Variants in PDE1C observed in about 807,000 individuals in gnomAD.
PDE1C encodes phosphodiesterase 1C.
Under a neutral mutation model 93.1 loss-of-function variants are expected in PDE1C, and 62 were observed. That is an observed-to-expected ratio of 0.67 (90% CI 0.54 to 0.82). The LOEUF (loss-of-function observed/expected upper bound fraction) is 0.82, where lower values mean the gene tolerates loss of function less well. PDE1C is among the 40% of genes least tolerant of loss of function. PDE1C has a pLI of 0.00. For synonymous variants in PDE1C, 325 were observed against 310.1 expected, an observed-to-expected ratio of 1.05 and a Z score of -0.50; for missense variants, 742 against 884.6, an observed-to-expected ratio of 0.84 and a Z score of 2.04.
At chr7:31,941,654 G>A (rs1157128929) in intron 2 of PDE1C, 2 of 13,814 alleles carry the variant, frequency 1.4e-4, no homozygotes, top group African/African-American at 3.3e-4. Flanking sequence ...TCCACTTCCC[G>A]TTATTCCTAA....
chr7:32,400,028 G>T (rs939516834), intron 1 of PDE1C, among the ~76,000 whole-genome samples: 1 of 152,176 alleles, frequency 6.6e-6, no homozygotes, highest in Non-Finnish European at 1.5e-5. Context: ...GTACTGAACA[G>T]GTTCTCATTT....
chr7:31,636,428 A>ACT, the PDE1C span, among the ~76,000 whole-genome samples: 1 of 152,220 alleles, frequency 6.6e-6, no homozygotes, highest in Admixed American at 6.5e-5. Context: ...AGATTGTTTG[A>ACT]AAAGTTGAAA....
At chr7:31,644,829 A>G in the PDE1C span, among the ~76,000 whole-genome samples, 1 of 152,228 alleles carries the variant, frequency 6.6e-6, no homozygotes, top group African/African-American at 2.4e-5. Context: ...GCTGGCACAG[A>G]GAATATAGGT....
chr7:32,287,053 T>C (rs1812045796), intron 1 of PDE1C, among the ~76,000 whole-genome samples: 1 of 152,134 alleles, frequency 6.6e-6, no homozygotes, highest in Non-Finnish European at 1.5e-5. Flanking sequence ...AGAGGAAGAA[T>C]GCAGGCCACA....
In PDE1C at chr7:32,015,296, A is replaced by T. The variant is rs187243517; in HGVS notation, c.128+36258T>A. On this transcript the variant is annotated intron_variant, in intron 2 of 17. Coordinates refer to ENST00000396191, the MANE Select transcript of PDE1C (RefSeq NM_001191057.4). ...GCTAGGAGCAAATTCAAATGAGTTT[A>T]AAAAAAAAAAACCACAGGGAGGAAA... Among the ~76,000 whole-genome samples, 22 of 59,146 alleles carry T rather than the reference A, an allele frequency of 3.7e-4. No homozygotes were observed. In the South Asian group the frequency reaches 5.3e-3, roughly 14 times the overall value. The allele number at this position is 59,146 out of a possible 152,430, so 38.8% of individuals were successfully genotyped here.
chr7:32,350,516 T>C (rs1018563054), intron 1 of PDE1C, among the ~76,000 whole-genome samples: 2 of 149,922 alleles, frequency 1.3e-5, no homozygotes, highest in African/African-American at 4.9e-5. Context: ...TAGAATCTGG[T>C]CCAACTAAGG....
chr7:32,022,894 G>C (rs1427756172), intron 2 of PDE1C, among the ~76,000 whole-genome samples: 1 of 151,116 alleles, frequency 6.6e-6, no homozygotes, highest in African/African-American at 2.4e-5. Flanking sequence ...ATATAAAATA[G>C]TTTGTTACTT....
At chr7:32,292,986 G>T (rs1812428487) in intron 1 of PDE1C, among the ~76,000 whole-genome samples, 1 of 152,194 alleles carries the variant, frequency 6.6e-6, no homozygotes. Flanking sequence ...CAGCACAGTT[G>T]TACAGGGCAT....
At position 31,824,949 on chromosome 7, in the gene PDE1C, G is replaced by A; in HGVS notation, c.1324C>T (p.Leu442Phe). The A allele has an allele frequency of 6.2e-7, 1 of 1,613,382 alleles. No homozygotes were observed. Among genetic ancestry groups the A allele is most frequent in the Admixed American group, 1.7e-5 (1 of 59,978 alleles). Residue 442 changes from leucine (L) to phenylalanine (F), a missense_variant, in exon 13 of 18, where the codon CTT (leucine) becomes TTT (phenylalanine). By Grantham distance (22) the Leu-to-Phe change is conservative. Transcript: ENST00000396191. ...ACAATCTTCTCGGTCATGTCCGTAA[G>A]CACAGTGAAGGTGGGTTCCACGATG... ...DFIVEPTFTV[L>F]TDMTEKIVSP...
chr7:32,136,389 T>G (rs547720881), intron 3 of PDE1C, among the ~76,000 whole-genome samples: 2 of 152,252 alleles, frequency 1.3e-5, no homozygotes, highest in South Asian at 4.1e-4. Flanking sequence ...TCGCCCAGGC[T>G]GGAGTGCAGT....
chr7:31,890,642 A>G (rs1798504392), intron 2 of PDE1C, among the ~76,000 whole-genome samples: 1 of 152,208 alleles, frequency 6.6e-6, no homozygotes, highest in Non-Finnish European at 1.5e-5. Flanking sequence ...TACTACAAAT[A>G]TAAGTTTTGG....
At chr7:31,899,552 T>A (rs80256296) in intron 2 of PDE1C, among the ~76,000 whole-genome samples, 4,792 of 152,156 alleles carry the variant, frequency 0.031, 239 homozygotes, top group African/African-American at 0.11. Flanking sequence ...TATTAACAAG[T>A]GTTATATATT....
chr7:31,739,729 C>T, the PDE1C span, among the ~76,000 whole-genome samples: 8 of 152,224 alleles, frequency 5.3e-5, 1 homozygote, highest in Middle Eastern at 0.014. Flanking sequence ...GAAAGGGAAC[C>T]AGTTTGGTGA....
the PDE1C span, among the ~76,000 whole-genome samples, chr7:31,672,096 T>C: frequency 2.0e-5 from 3 of 152,198 alleles, no homozygotes; most frequent in African/African-American, 7.2e-5. Context: ...GATAGGGACT[T>C]TAAAATGCTC....
chr7:31,977,365 G>A (rs1251940011), intron 2 of PDE1C, among the ~76,000 whole-genome samples: 3 of 152,146 alleles, frequency 2.0e-5, no homozygotes, highest in Non-Finnish European at 4.4e-5. Context: ...CTCCAGAATC[G>A]TGAGCTAAAT....
At chr7:32,138,797 A>G (rs564718067) in intron 3 of PDE1C, among the ~76,000 whole-genome samples, 1 of 152,292 alleles carries the variant, frequency 6.6e-6, no homozygotes, top group East Asian at 1.9e-4. Context: ...CCCATAGATC[A>G]TTTTTATCAT....
intron 17 of PDE1C, among the ~76,000 whole-genome samples, chr7:31,766,112 C>A (rs529647961): frequency 1.3e-5 from 2 of 152,142 alleles, no homozygotes; most frequent in African/African-American, 2.4e-5. Context: ...GGGCCCGGCG[C>A]GGTGGCTCAT....
intron 8 of PDE1C, among the ~76,000 whole-genome samples, chr7:31,848,866 T>G (rs892287274): frequency 3.9e-5 from 6 of 152,168 alleles, no homozygotes; most frequent in Non-Finnish European, 8.8e-5. Flanking sequence ...CAAGATAACT[T>G]CCACCTGCCA....
intron 2 of PDE1C, among the ~76,000 whole-genome samples, chr7:32,201,384 C>CA (rs905690974): frequency 1.6e-4 from 24 of 152,038 alleles, no homozygotes; most frequent in Admixed American, 2.6e-4. Flanking sequence ...ACATTACATA[C>CA]AAAAAAAATT....
Sources: gnomAD v4.1 joint callset for allele counts (sites outside exome capture counted in the v4.1 genomes callset) on GRCh38, gnomAD v4.1.1 for gene constraint, MANE v1.5 for transcripts, NCBI Gene and HGNC (gene_info 2026-07-23, HGNC 2026-07-21) for gene names.